LRRC27: variants seen among roughly 807,000 people sequenced by gnomAD.
LRRC27 encodes the protein leucine-rich repeat-containing protein 27.
LRRC27 carries 57 observed loss-of-function variants against 55.0 expected under a neutral mutation model. The observed-to-expected ratio is 1.04, with a 90% CI of 0.84 to 1.29. LRRC27 has a LOEUF of 1.29. Ranked by LOEUF, LRRC27 falls within the 50% of genes most tolerant of loss-of-function variation. LRRC27 has a pLI of 0.00. For missense variants in LRRC27, 721 were observed against 651.5 expected (o/e 1.11, Z -1.16); for synonymous variants, 278 against 251.9 (o/e 1.10, Z -0.98).
intron 7 of LRRC27, among the ~76,000 whole-genome samples, chr10:132,353,888 C>CATCTCCCTTCCCTTCCCTGCTGCAGGT (rs1161577971): frequency 1.3e-5 from 2 of 152,364 alleles, no homozygotes; most frequent in African/African-American, 2.4e-5. Context: ...CCTCAGCAGG[C>CATCTCCCTTCCCTTCCCTGCTGCAGGT]ATCTCCCTTC....
Position 132,361,595 on chromosome 10 carries a change from A to G in LRRC27, c.1289+20A>G, listed in dbSNP as rs1249337985. The G allele has an allele frequency of 1.9e-6, 3 of 1,563,124 alleles. No homozygotes were observed. Among genetic ancestry groups the G allele is most frequent in the Middle Eastern group, 1.7e-4 (1 of 5,944 alleles). On this transcript the variant is annotated intron_variant, in intron 9 of 10. Transcript: ENST00000368614. Reference sequence around the variant, plus strand: ...AATGAGGTTGGTAACTGCAACTGGCACTCAGTCCTTCCAGGGCTCAGCCAG... The same window carrying G: ...AATGAGGTTGGTAACTGCAACTGGCGCTCAGTCCTTCCAGGGCTCAGCCAG...
chr10:132,341,704 GTC>G (rs2138668631), intron 3 of LRRC27, among the ~76,000 whole-genome samples: 1 of 152,312 alleles, frequency 6.6e-6, no homozygotes, highest in South Asian at 2.1e-4. Flanking sequence ...TGCGGTGGAA[GTC>G]TCTCAAACAT....
chr10:132,353,031 C>T, intron 7 of LRRC27: 1 of 1,583,622 alleles, frequency 6.3e-7, no homozygotes, highest in South Asian at 1.1e-5. Flanking sequence ...TCTTCTCTGT[C>T]CTCCAGCTCC....
chr10:132,366,862 G>A (rs1224371752), intron 10 of LRRC27: 2 of 1,283,600 alleles, frequency 1.6e-6, no homozygotes, highest in Admixed American at 4.7e-5. Context: ...AGATGGGAGA[G>A]AGGAGGCATG....
intron 2 of LRRC27, 103 bp downstream of exon 2, chr10:132,333,837 T>C: frequency 1.2e-6 from 1 of 855,428 alleles, no homozygotes. Flanking sequence ...CTCTTTGGAA[T>C]TGATGAATTC....
intron 10 of LRRC27, among the ~76,000 whole-genome samples, chr10:132,371,518 C>T (rs1447145828): frequency 6.6e-6 from 1 of 152,208 alleles, no homozygotes; most frequent in Non-Finnish European, 1.5e-5. Flanking sequence ...GGAGCAAAAA[C>T]GACCTTCACT....
Position 132,373,108 on chromosome 10 carries a change from T to C in LRRC27, c.1417-1958T>C, listed in dbSNP as rs186518510. 2.5e-3 allele frequency among the ~76,000 whole-genome samples: 382 copies of C among 152,176 alleles called. 6 individuals are homozygous for C. The Middle Eastern group carries it at 0.034, about 14-fold the overall frequency. On this transcript the variant is annotated intron_variant, in intron 10 of 10. Coordinates refer to ENST00000368614, the MANE Select transcript of LRRC27 (RefSeq NM_030626.3). ...TGCTGCCATGAAACCCAGCAAGCTG[T>C]TGTAGAAAGTGAACACTCAGGTAAC... is the stretch of plus-strand genomic sequence containing the variant.
intron 6 of LRRC27, among the ~76,000 whole-genome samples, chr10:132,349,324 G>T (rs1422494949): frequency 1.3e-5 from 2 of 152,214 alleles, no homozygotes; most frequent in African/African-American, 4.8e-5. Context: ...TCCCGGAGGT[G>T]TTGGCATGAA....
At position 132,361,554 on chromosome 10, in the gene LRRC27, C is replaced by T. The variant is rs778501696; in HGVS notation, c.1268C>T (p.Pro423Leu). 6.2e-7 allele frequency: 1 copy of T among 1,613,456 alleles called. No individual in the cohort carries two copies. The highest frequency in any genetic ancestry group is 8.5e-7 in the Non-Finnish European group (1 of 1,179,648). The change falls in exon 9 of 11, where the codon CCA becomes CTA. Residue 423 changes from proline (P) to leucine (L), a missense_variant. Physicochemically the swap from Pro to Leu is moderately conservative, Grantham distance 98. Transcript: ENST00000368614. ...ATGAAACCAAGCAAAGAGAAATCGC[C>T]ACAAGCAAGTAAAGAAATGAGGTTG... is the stretch of plus-strand genomic sequence containing the variant. ...GKMKPSKEKS[P>L]QASKEMSALQ...
At chr10:132,331,541 T>C (rs114666623), upstream of LRRC27, 2,374 of 1,612,870 alleles carry the variant, frequency 1.5e-3, 30 homozygotes, top group African/African-American at 0.025. Context: ...GAGGCAAGAT[T>C]TGGGGACAAG....
At position 132,374,953 on chromosome 10, in the gene LRRC27, C is replaced by G. The variant is rs1256047257; in HGVS notation, c.1417-113C>G. On this transcript the variant is annotated intron_variant, in intron 10 of 10. Transcript: ENST00000368614. This position sits in a 1 kb window ranked among gnomAD's most constrained non-coding sequence, Gnocchi z 4.4. ...AGGGGCCCCGGGGCAGCGGGGCTGG[C>G]TCTGCTGACGCCCACATGGCCTGGG... The G allele has an allele frequency of 4.2e-6, 5 of 1,193,548 alleles. No individual in the cohort carries two copies. The highest frequency in any genetic ancestry group is 5.9e-6 in the Non-Finnish European group (5 of 853,334). 73.9% of individuals were successfully genotyped at this position (1,193,548 alleles called of 1,614,324 possible).
At chr10:132,364,733 T>C (rs1448631733) in intron 9 of LRRC27, among the ~76,000 whole-genome samples, 2 of 5,514 alleles carry the variant, frequency 3.6e-4, no homozygotes, top group African/African-American at 6.1e-4. Flanking sequence ...CGTCCACACT[T>C]ACATCTACCT....
intron 8 of LRRC27, among the ~76,000 whole-genome samples, chr10:132,356,257 A>G (rs1287008122): frequency 6.6e-6 from 1 of 152,220 alleles, no homozygotes; most frequent in African/African-American, 2.4e-5. Flanking sequence ...TTCAAAAGAT[A>G]AAAAGCAGCT....
At chr10:132,331,030 G>T (rs916756106), upstream of LRRC27, among the ~76,000 whole-genome samples, 13 of 150,610 alleles carry the variant, frequency 8.6e-5, no homozygotes, top group Non-Finnish European at 1.5e-4. Flanking sequence ...ATGAAACCCC[G>T]TCTCTACTAA....
rs1429604416 is a variant in LRRC27, at chr10:132,351,702, C to T, written c.1022C>T (p.Ala341Val). The change falls in exon 7 of 11, where the codon GCG (alanine) becomes GTG (valine). Residue 341 changes from alanine to valine, a missense_variant. Physicochemically the swap from Ala to Val is moderately conservative, Grantham distance 64. Transcript: ENST00000368614. ...RAKRLEESRA[A>V]ALRELQEKQA... Reference sequence around the variant, plus strand: ...AAAAGACTGGAAGAGAGCCGAGCGGCGGCGCTCCGAGAGCTCCAGGAGAAG... The same window carrying T: ...AAAAGACTGGAAGAGAGCCGAGCGGTGGCGCTCCGAGAGCTCCAGGAGAAG... 18 of 1,613,770 alleles carry T rather than the reference C, an allele frequency of 1.1e-5. No homozygotes were observed. The highest frequency in any genetic ancestry group is 2.7e-5 in the African/African-American group (2 of 75,032).
At position 132,342,287 on chromosome 10, in the gene LRRC27, T is replaced by G; in HGVS notation, c.400+16T>G. 10 of 1,451,738 alleles carry G rather than the reference T, an allele frequency of 6.9e-6. No homozygotes were observed. The highest frequency in any genetic ancestry group is 9.3e-6 in the Non-Finnish European group (10 of 1,076,238). The allele number at this position is 1,451,738 out of a possible 1,614,324, so 89.9% of individuals were successfully genotyped here. ...GTGGAGCTGGGTAAGTATAAAATAA[T>G]AAAAAGATGATTTTAAAATGCTATC... On this transcript the variant is annotated intron_variant, in intron 4 of 10. Coordinates refer to ENST00000368614, the MANE Select transcript of LRRC27 (RefSeq NM_030626.3).
chr10:132,356,758 C>T (rs1349773458), intron 8 of LRRC27, among the ~76,000 whole-genome samples: 4 of 152,268 alleles, frequency 2.6e-5, no homozygotes, highest in African/African-American at 4.8e-5. Context: ...GGGCATGGGC[C>T]GTGGGCACAG....
In LRRC27 at chr10:132,372,287, C is replaced by T. The variant is rs1372132940; in HGVS notation, c.1417-2779C>T. On this transcript the variant is annotated intron_variant, in intron 10 of 10. Coordinates refer to ENST00000368614, the MANE Select transcript of LRRC27 (RefSeq NM_030626.3). This position sits in a 1 kb window ranked among gnomAD's most constrained non-coding sequence, Gnocchi z 4.0. ...CCACAGAAGGATGGGAAGTGGGGGT[C>T]GGGGTGCGGTGACTCACGCCTGCAA... Among the ~76,000 whole-genome samples, 1 of 151,348 alleles carries T rather than the reference C, an allele frequency of 6.6e-6. No individual in the cohort carries two copies. The highest frequency in any genetic ancestry group is 1.9e-4 in the East Asian group (1 of 5,160).
chr10:132,353,029 GTCC>G, intron 7 of LRRC27: 2 of 1,587,634 alleles, frequency 1.3e-6, no homozygotes, highest in Admixed American at 1.8e-5. Flanking sequence ...TGTCTTCTCT[GTCC>G]TCCAGCTCCA....
Sources: allele counts gnomAD v4.1 joint callset (sites outside exome capture counted in the v4.1 genomes callset), GRCh38; gene constraint gnomAD v4.1.1; non-coding constraint Gnocchi (gnomAD v3.1); transcripts MANE v1.5; gene names NCBI Gene and HGNC (gene_info 2026-07-23, HGNC 2026-07-21).